Variants in B3GALT1 observed in about 807,000 individuals in gnomAD.
The protein encoded by B3GALT1 is UDP-Gal:betaGlcNAc beta 1,3-galactosyltransferase, polypeptide 1.
Under a neutral mutation model 23.2 loss-of-function variants are expected in B3GALT1, and 10 were observed. That is an observed-to-expected ratio of 0.43 (90% CI 0.27 to 0.73). B3GALT1 has a LOEUF of 0.73. Among genes scored for constraint, B3GALT1 ranks in the 30% least tolerant of loss-of-function variants. B3GALT1 has a pLI of 0.21. For synonymous variants in B3GALT1, 156 were observed against 141.5 expected (o/e 1.10, Z -0.73); for missense variants, 299 against 405.4 (o/e 0.74, Z 2.25).
chr2:167,802,100 C>T (rs1304699558), intron 3 of B3GALT1, among the ~76,000 whole-genome samples: 1 of 152,150 alleles, frequency 6.6e-6, no homozygotes, highest in Non-Finnish European at 1.5e-5. Flanking sequence ...CCACAGGGCA[C>T]AGTTGGGTGG....
chr2:167,647,665 G>A (rs930782166), intron 3 of B3GALT1, among the ~76,000 whole-genome samples: 1 of 151,986 alleles, frequency 6.6e-6, no homozygotes, highest in African/African-American at 2.4e-5. Context: ...TATGCATCTG[G>A]GCTCTCAAAC....
At chr2:167,583,803 A>G (rs1684533390) in intron 2 of B3GALT1, among the ~76,000 whole-genome samples, 1 of 152,224 alleles carries the variant, frequency 6.6e-6, no homozygotes, top group African/African-American at 2.4e-5. Flanking sequence ...TGCCCCATGA[A>G]TATTTTCTGA....
intron 3 of B3GALT1, among the ~76,000 whole-genome samples, chr2:167,729,657 TC>T (rs1687376920): frequency 6.6e-6 from 1 of 152,128 alleles, no homozygotes; most frequent in Non-Finnish European, 1.5e-5. Flanking sequence ...TCAACGTGTT[TC>T]CCTACCAAAT....
At position 167,424,710 on chromosome 2, in the gene B3GALT1, A is replaced by T. The variant is rs113913331; in HGVS notation, c.-510-65467A>T. ...ATCTCCTCTCATATTTCTATAACTG[A>T]CAATGAGAATGTATACTTTTGTAAT... On this transcript the variant is annotated intron_variant, in intron 1 of 4. Transcript: ENST00000392690. 3.6e-3 allele frequency among the ~76,000 whole-genome samples: 544 copies of T among 152,322 alleles called. 6 individuals carry two copies. The highest frequency in any genetic ancestry group is 0.012 in the African/African-American group (519 of 41,582).
At chr2:167,498,075 T>C (rs2105346500) in intron 2 of B3GALT1, among the ~76,000 whole-genome samples, 1 of 152,300 alleles carries the variant, frequency 6.6e-6, no homozygotes, top group East Asian at 1.9e-4. Flanking sequence ...GCTCTTACCA[T>C]CTGCTCTGAT....
At chr2:167,722,451 TG>T (rs951700753) in intron 3 of B3GALT1, among the ~76,000 whole-genome samples, 4 of 152,234 alleles carry the variant, frequency 2.6e-5, no homozygotes, top group African/African-American at 9.6e-5. Flanking sequence ...CCAAATGTAC[TG>T]AATAAGTAGA....
chr2:167,820,308 C>T (rs1376632191), intron 4 of B3GALT1, among the ~76,000 whole-genome samples: 2 of 152,146 alleles, frequency 1.3e-5, no homozygotes, highest in Non-Finnish European at 2.9e-5. Context: ...GTGGAACCTG[C>T]TTTAGAAAGG....
intron 2 of B3GALT1, among the ~76,000 whole-genome samples, chr2:167,575,899 G>A (rs1275212259): frequency 6.6e-6 from 1 of 151,486 alleles, no homozygotes; most frequent in Non-Finnish European, 1.5e-5. Context: ...AATTTCCAGG[G>A]TACACATGAA....
intron 1 of B3GALT1, among the ~76,000 whole-genome samples, chr2:167,395,659 G>A (rs980691104): frequency 2.0e-5 from 3 of 151,966 alleles, no homozygotes; most frequent in Admixed American, 6.6e-5. Context: ...GCTAAGTGTG[G>A]GTAACGTTTT....
intron 1 of B3GALT1, among the ~76,000 whole-genome samples, chr2:167,324,964 CAT>C (rs751151815): frequency 3.7e-4 from 56 of 152,214 alleles, no homozygotes; most frequent in African/African-American, 1.3e-3. Flanking sequence ...TGAGTGATAA[CAT>C]GTGATATTTG....
intron 2 of B3GALT1, among the ~76,000 whole-genome samples, chr2:167,561,102 C>T (rs937814536): frequency 5.9e-5 from 9 of 151,948 alleles, no homozygotes; most frequent in Admixed American, 3.3e-4. Context: ...TTATAACAAA[C>T]TCTCTCAGAC....
chr2:167,579,033 A>T lies in B3GALT1; in HGVS notation c.-409-67876A>T, dbSNP rs1262031086. Among the ~76,000 whole-genome samples the T allele has an allele frequency of 2.0e-5, 3 of 152,232 alleles. No individual in the cohort carries two copies. In the East Asian group the frequency reaches 5.8e-4, roughly 29 times the overall value. On this transcript the variant is annotated intron_variant, in intron 2 of 4. Transcript: ENST00000392690. ...TTTGTGGTAATAGGGCGAAGCACTA[A>T]ATAGTCTTTGACAGAGCTTGCCCCC...
At chr2:167,364,580 CAT>C (rs1484657275) in intron 1 of B3GALT1, among the ~76,000 whole-genome samples, 1 of 152,018 alleles carries the variant, frequency 6.6e-6, no homozygotes, top group African/African-American at 2.4e-5. Context: ...TGAGTGAGAA[CAT>C]GCGGTGTTTG....
At chr2:167,562,904 G>A (rs1038121148) in intron 2 of B3GALT1, among the ~76,000 whole-genome samples, 18 of 152,042 alleles carry the variant, frequency 1.2e-4, no homozygotes, top group South Asian at 2.1e-4. Context: ...ATCTTGCACC[G>A]CCCTTAATCC....
At chr2:167,335,829 A>G (rs958875781) in intron 1 of B3GALT1, among the ~76,000 whole-genome samples, 3 of 152,056 alleles carry the variant, frequency 2.0e-5, no homozygotes, top group Non-Finnish European at 4.4e-5. Context: ...GCAGACCTCC[A>G]ATCTCATCCT....
At chr2:167,499,397 A>C (rs1367027861) in intron 2 of B3GALT1, among the ~76,000 whole-genome samples, 1 of 152,116 alleles carries the variant, frequency 6.6e-6, no homozygotes, top group Non-Finnish European at 1.5e-5. Context: ...GAAGGGAAAA[A>C]ATGTCAGTCA....
At chr2:167,469,994 A>T (rs1699401607) in intron 1 of B3GALT1, among the ~76,000 whole-genome samples, 1 of 152,048 alleles carries the variant, frequency 6.6e-6, no homozygotes, top group African/African-American at 2.4e-5. Context: ...TGGAATCGTA[A>T]TTTTTTTTCT....
chr2:167,563,888 C>T (rs1259017758), intron 2 of B3GALT1, among the ~76,000 whole-genome samples: 13 of 9,394 alleles, frequency 1.4e-3, no homozygotes, highest in South Asian at 7.1e-3. Context: ...CCGGACGGGG[C>T]GGCCGGCCGG....
chr2:167,509,858 T>G (rs1279615950), intron 2 of B3GALT1, among the ~76,000 whole-genome samples: 1 of 152,290 alleles, frequency 6.6e-6, no homozygotes, highest in Non-Finnish European at 1.5e-5. Context: ...AATGACGTGA[T>G]CTGTTTACAT....
Sources: allele counts gnomAD v4.1 joint callset (sites outside exome capture counted in the v4.1 genomes callset), GRCh38; gene constraint gnomAD v4.1.1; transcripts MANE v1.5; gene names NCBI Gene and HGNC (gene_info 2026-07-23, HGNC 2026-07-21).